DACH2: variants seen among roughly 807,000 people sequenced by gnomAD.
DACH2 encodes dachshund homolog 2.
In DACH2, 17 loss-of-function variants were observed where a neutral mutation model predicts 35.8. That is an observed-to-expected ratio of 0.48 (90% CI 0.33 to 0.71). The LOEUF (loss-of-function observed/expected upper bound fraction) is 0.71, where lower values mean the gene tolerates loss of function less well. Among genes scored for constraint, DACH2 ranks in the 30% least tolerant of loss-of-function variants. DACH2 has a pLI of 0.02. For synonymous variants in DACH2, 195 were observed against 177.3 expected, an observed-to-expected ratio of 1.10 and a Z score of -0.79; for missense variants, 469 against 472.7, an observed-to-expected ratio of 0.99 and a Z score of 0.07.
intron 1 of DACH2, among the ~76,000 whole-genome samples, chrX:86,179,942 G>A (rs2031422334): frequency 9.2e-6 from 1 of 108,596 alleles, no homozygotes; most frequent in Non-Finnish European, 1.9e-5. Context: ...TCAGGATTCA[G>A]TTCCAAAGCA....
At chrX:86,295,392 G>A (rs1038276371) in intron 1 of DACH2, among the ~76,000 whole-genome samples, 1 of 111,992 alleles carries the variant, frequency 8.9e-6, no homozygotes, top group Non-Finnish European at 1.9e-5. Flanking sequence ...CGTCGCTCAC[G>A]CTGGGAGCTG....
intron 1 of DACH2, among the ~76,000 whole-genome samples, chrX:86,302,401 T>C (rs2034591534): frequency 1.8e-5 from 2 of 111,924 alleles, no homozygotes; most frequent in Admixed American, 1.9e-4. Context: ...ACCTGAATTA[T>C]AGAGAATTAA....
intron 7 of DACH2, chrX:86,798,833 C>T (rs1264570368): frequency 7.6e-6 from 1 of 131,857 alleles, no homozygotes; most frequent in Non-Finnish European, 1.5e-5. Flanking sequence ...GCTTCAAAAT[C>T]ATCAACGATT....
Position 86,266,118 on chromosome X carries a change from C to A in DACH2, c.489-110706C>A, listed in dbSNP as rs2033708501. On this transcript the variant is annotated intron_variant, in intron 1 of 11. Transcript: ENST00000373125. ...AAAAACAGTGGTTTTCAACCTTTAT[C>A]ATGCCTCAGAATCCCCTCAAGGGTT... Among the ~76,000 whole-genome samples, 3 of 111,254 alleles carry A rather than the reference C, an allele frequency of 2.7e-5. No individual in the cohort carries two copies. In the South Asian group the frequency reaches 1.1e-3, roughly 43 times the overall value.
intron 2 of DACH2, among the ~76,000 whole-genome samples, chrX:86,486,360 A>G (rs1330172665): frequency 9.1e-6 from 1 of 110,201 alleles, no homozygotes. Flanking sequence ...TTCCATATTT[A>G]TTTTTGTTTA....
At chrX:86,235,741 T>G (rs2033043829) in intron 1 of DACH2, among the ~76,000 whole-genome samples, 1 of 112,106 alleles carries the variant, frequency 8.9e-6, no homozygotes, top group African/African-American at 3.2e-5. Flanking sequence ...TGTTTAGACT[T>G]GGGACCCCTC....
intron 3 of DACH2, among the ~76,000 whole-genome samples, chrX:86,628,110 G>A (rs1205081681): frequency 8.9e-6 from 1 of 112,272 alleles, no homozygotes; most frequent in Admixed American, 9.5e-5. Flanking sequence ...TTATTCTGCA[G>A]TCATTTCCTG....
chrX:86,415,259 C>T (rs746224239), intron 2 of DACH2, among the ~76,000 whole-genome samples: 10 of 111,731 alleles, frequency 9.0e-5, no homozygotes, highest in African/African-American at 2.9e-4. Context: ...TTCTTTTCAA[C>T]GTAGGACTAA....
At chrX:86,815,613 A>G (rs952346795) in intron 10 of DACH2, among the ~76,000 whole-genome samples, 23 of 105,845 alleles carry the variant, frequency 2.2e-4, no homozygotes, top group Non-Finnish European at 3.7e-4. Flanking sequence ...GTATATACAC[A>G]TATTTATATA....
intron 2 of DACH2, among the ~76,000 whole-genome samples, chrX:86,490,624 G>A (rs749734337): frequency 9.0e-6 from 1 of 111,467 alleles, no homozygotes; most frequent in East Asian, 2.8e-4. Context: ...TGAGTTATCC[G>A]GGTTTGAGAT....
At chrX:86,497,307 C>G (rs1483918783) in intron 2 of DACH2, among the ~76,000 whole-genome samples, 6 of 111,971 alleles carry the variant, frequency 5.4e-5, no homozygotes, top group Non-Finnish European at 1.1e-4. Context: ...GTTTTAACAA[C>G]CCTTCCCGTG....
chrX:86,567,116 A>C, intron 3 of DACH2, among the ~76,000 whole-genome samples: 1 of 111,819 alleles, frequency 8.9e-6, no homozygotes, highest in Non-Finnish European at 1.9e-5. Flanking sequence ...TAAAGAGGAA[A>C]CAAGCTTAGG....
chrX:86,286,168 C>T (rs433532), intron 1 of DACH2, among the ~76,000 whole-genome samples: 10,837 of 76,554 alleles, frequency 0.14, 1,005 homozygotes, highest in Admixed American at 0.29. Context: ...TCGCCCAGGC[C>T]GGACTGCGGA....
chrX:86,501,633 C>T (rs1396729899), intron 2 of DACH2, among the ~76,000 whole-genome samples: 2 of 111,814 alleles, frequency 1.8e-5, no homozygotes, highest in Non-Finnish European at 3.8e-5. Context: ...ACCTTGCTTC[C>T]CCACTTTTCA....
At chrX:86,278,513 A>C (rs1315448056) in intron 1 of DACH2, among the ~76,000 whole-genome samples, 1 of 112,326 alleles carries the variant, frequency 8.9e-6, no homozygotes, top group Non-Finnish European at 1.9e-5. Context: ...ATTGGCAAAA[A>C]TGTGTTGATT....
chrX:86,446,352 G>C (rs1451323240), intron 2 of DACH2, among the ~76,000 whole-genome samples: 1 of 74,934 alleles, frequency 1.3e-5, no homozygotes, highest in South Asian at 9.1e-4. Flanking sequence ...GTGCAGGTTA[G>C]TTACATATGT....
chrX:86,605,571 A>C (rs2039846449), intron 3 of DACH2, among the ~76,000 whole-genome samples: 1 of 111,065 alleles, frequency 9.0e-6, no homozygotes, highest in East Asian at 2.8e-4. Flanking sequence ...TTTAGTCTTC[A>C]TTTTGTAAGC....
intron 2 of DACH2, among the ~76,000 whole-genome samples, chrX:86,505,370 T>A (rs2038308126): frequency 8.9e-6 from 1 of 112,048 alleles, no homozygotes; most frequent in African/African-American, 3.2e-5. Context: ...ATTGTTGTGC[T>A]GCAGACCACT....
At chrX:86,472,540 A>C (rs2037775927) in intron 2 of DACH2, among the ~76,000 whole-genome samples, 1 of 111,965 alleles carries the variant, frequency 8.9e-6, no homozygotes, top group African/African-American at 3.2e-5. Context: ...TAAGATAAAA[A>C]TGTTATAGTA....
Sources: gnomAD v4.1 joint callset for allele counts (sites outside exome capture counted in the v4.1 genomes callset) on GRCh38, gnomAD v4.1.1 for gene constraint, MANE v1.5 for transcripts, NCBI Gene and HGNC (gene_info 2026-07-23, HGNC 2026-07-21) for gene names.